Variants in NR6A1 observed in about 807,000 individuals in gnomAD.
NR6A1 encodes the protein retinoic acid receptor-related testis-associated receptor.
A neutral mutation model predicts 59.1 loss-of-function variants in NR6A1; 7 were observed. The ratio of observed to expected loss-of-function variants is 0.12; its 90% CI spans 0.07 to 0.22. The LOEUF (loss-of-function observed/expected upper bound fraction) is 0.22, where lower values mean the gene tolerates loss of function less well. NR6A1 is among the 10% of genes least tolerant of loss of function. The probability of loss-of-function intolerance (pLI) is 1.00; values close to 1 mark genes in which losing one functional copy is unlikely to be tolerated. For missense variants in NR6A1, 468 were observed against 611.6 expected (o/e 0.77, Z 2.48); for synonymous variants, 243 against 236.1 (o/e 1.03, Z -0.27).
At chr9:124,537,225 G>C (rs559900812) in intron 6 of NR6A1, among the ~76,000 whole-genome samples, 1 of 152,114 alleles carries the variant, frequency 6.6e-6, no homozygotes, top group Non-Finnish European at 1.5e-5. Flanking sequence ...GAGTAGCTGC[G>C]ATTACAGGCG....
At chr9:124,617,985 T>G (rs976222857) in intron 2 of NR6A1, among the ~76,000 whole-genome samples, 18 of 152,196 alleles carry the variant, frequency 1.2e-4, no homozygotes, top group African/African-American at 4.1e-4. Flanking sequence ...CAACAAAGAT[T>G]ACTGAAGCCC....
At chr9:124,599,571 C>G in intron 2 of NR6A1, 2 of 1,013,682 alleles carry the variant, frequency 2.0e-6, no homozygotes, top group Non-Finnish European at 1.3e-6. Flanking sequence ...GTGTCCGTGG[C>G]AGCCGCCATG....
chr9:124,532,371 A>T (rs1164480938), intron 7 of NR6A1, among the ~76,000 whole-genome samples: 4 of 152,104 alleles, frequency 2.6e-5, no homozygotes, highest in African/African-American at 9.7e-5. Flanking sequence ...GACCCTGTGA[A>T]CAGACGTACT....
rs553868171 is a variant in NR6A1 at position 124,574,278 on chromosome 9, G to C, written c.143-19708C>G. 6.0e-4 allele frequency among the ~76,000 whole-genome samples: 91 copies of C among 152,294 alleles called. 1 individual carries two copies. The South Asian group carries it at 0.018, about 31-fold the overall frequency. On this transcript the variant is annotated intron_variant, in intron 2 of 9. Coordinates refer to ENST00000487099, the MANE Select transcript of NR6A1 (RefSeq NM_033334.4). ...ATTAGAAATTATGACACTGGTTTCA[G>C]AGTTTCAAGATACTTCCCAGATGTC...
chr9:124,724,365 A>T (rs1839651450), intron 2 of NR6A1, among the ~76,000 whole-genome samples: 1 of 152,108 alleles, frequency 6.6e-6, no homozygotes, highest in Admixed American at 6.5e-5. Flanking sequence ...AGTTTAAACA[A>T]AAACAATGTT....
At chr9:124,686,237 T>C (rs547581727) in intron 2 of NR6A1, among the ~76,000 whole-genome samples, 1 of 152,350 alleles carries the variant, frequency 6.6e-6, no homozygotes, top group Admixed American at 6.5e-5. Flanking sequence ...AATAGTCTTA[T>C]ATCACTGATA....
intron 1 of NR6A1, among the ~76,000 whole-genome samples, chr9:124,737,270 C>T (rs548536299): frequency 7.2e-5 from 11 of 152,288 alleles, no homozygotes; most frequent in African/African-American, 2.6e-4. Context: ...GAGACCACTG[C>T]TATTATGTTG....
At chr9:124,716,421 G>A (rs1280210674) in intron 2 of NR6A1, among the ~76,000 whole-genome samples, 1 of 152,166 alleles carries the variant, frequency 6.6e-6, no homozygotes, top group Non-Finnish European at 1.5e-5. Context: ...GATTTGTAGA[G>A]AGGGCACAGA....
intron 3 of NR6A1, 136 bp downstream of exon 3, chr9:124,554,191 GT>G (rs1833866242): frequency 3.0e-6 from 4 of 1,335,364 alleles, no homozygotes; most frequent in Middle Eastern, 2.7e-4. Context: ...GGCAAGAATG[GT>G]TCATTTTTGG....
At chr9:124,633,246 T>C (rs1342425802) in intron 2 of NR6A1, among the ~76,000 whole-genome samples, 1 of 151,344 alleles carries the variant, frequency 6.6e-6, no homozygotes, top group Non-Finnish European at 1.5e-5. Context: ...CTACTAAAAA[T>C]ACAAAAATTA....
intron 2 of NR6A1, among the ~76,000 whole-genome samples, chr9:124,719,711 G>A (rs1357474926): frequency 2.0e-5 from 3 of 152,090 alleles, no homozygotes; most frequent in African/African-American, 7.2e-5. Flanking sequence ...TTGAGTCTAG[G>A]AGTTGGAAAC....
At chr9:124,554,643 G>A in intron 2 of NR6A1, 73 bp from the exon 3 acceptor site, 3 of 1,587,124 alleles carry the variant, frequency 1.9e-6, no homozygotes, top group Non-Finnish European at 2.6e-6. Flanking sequence ...GAGCAACTCT[G>A]CTCTGGGTAG....
chr9:124,706,658 A>G (rs536317722), intron 2 of NR6A1, among the ~76,000 whole-genome samples: 15 of 152,206 alleles, frequency 9.9e-5, no homozygotes, highest in Middle Eastern at 3.4e-3. Context: ...AGCTGGGATT[A>G]CTGACATGCG....
chr9:124,697,804 C>T (rs886266374), intron 2 of NR6A1, among the ~76,000 whole-genome samples: 1 of 152,166 alleles, frequency 6.6e-6, no homozygotes, highest in African/African-American at 2.4e-5. Context: ...AAAATCTCAG[C>T]TGTTACTTAG....
chr9:124,704,006 C>T (rs1001120365), intron 2 of NR6A1, among the ~76,000 whole-genome samples: 2 of 152,096 alleles, frequency 1.3e-5, no homozygotes, highest in African/African-American at 4.8e-5. Context: ...ATGGAGACAC[C>T]TGGGCCTAGG....
chr9:124,747,595 G>A (rs1009756682), intron 1 of NR6A1, among the ~76,000 whole-genome samples: 33 of 151,998 alleles, frequency 2.2e-4, no homozygotes, highest in African/African-American at 7.5e-4. Flanking sequence ...TAACCCATAG[G>A]CTCCATCAAT....
intron 2 of NR6A1, among the ~76,000 whole-genome samples, chr9:124,589,403 A>G (rs7039193): frequency 0.6 from 91,321 of 152,130 alleles, 28,819 homozygotes; most frequent in African/African-American, 0.81. Flanking sequence ...CCGAGATAGC[A>G]CCACTGCACT....
chr9:124,670,064 T>C (rs79160941), intron 2 of NR6A1, among the ~76,000 whole-genome samples: 1,604 of 152,126 alleles, frequency 0.011, 36 homozygotes, highest in African/African-American at 0.037. Context: ...CCCCCTACCC[T>C]TCCCCTCACA....
chr9:124,583,390 C>CTA (rs1047625751), intron 2 of NR6A1, among the ~76,000 whole-genome samples: 1 of 152,158 alleles, frequency 6.6e-6, no homozygotes, highest in Non-Finnish European at 1.5e-5. Context: ...TTAAGTAAGG[C>CTA]TATAGCATGC....
Sources: allele counts gnomAD v4.1 joint callset (sites outside exome capture counted in the v4.1 genomes callset), GRCh38; gene constraint gnomAD v4.1.1; transcripts MANE v1.5; gene names NCBI Gene and HGNC (gene_info 2026-07-23, HGNC 2026-07-21).